FAM135B: variants seen among roughly 807,000 people sequenced by gnomAD.
FAM135B encodes family with sequence similarity 135 member B, also known as protein FAM135B.
In FAM135B, 43 loss-of-function variants were observed where a neutral mutation model predicts 127.7. That is an observed-to-expected ratio of 0.34 (90% confidence interval 0.26 to 0.43). The LOEUF (loss-of-function observed/expected upper bound fraction) is 0.43, where lower values mean the gene tolerates loss of function less well. FAM135B is among the 20% of genes least tolerant of loss of function. The pLI is 1.00. For missense variants in FAM135B, 1,558 were observed against 1,725.6 expected (o/e 0.90, Z 1.72); for synonymous variants, 670 against 665.1 (o/e 1.01, Z -0.11).
At chr8:138,245,887 G>A (rs1046268410) in intron 6 of FAM135B, among the ~76,000 whole-genome samples, 34 of 150,234 alleles carry the variant, frequency 2.3e-4, no homozygotes, top group African/African-American at 8.1e-4. Flanking sequence ...TTCTAGAGAC[G>A]TGTTGAATGG....
chr8:138,487,152 A>G (rs1564038220), intron 1 of FAM135B, among the ~76,000 whole-genome samples: 1 of 152,088 alleles, frequency 6.6e-6, no homozygotes, highest in Non-Finnish European at 1.5e-5. Context: ...TGCGATTTTC[A>G]TTTACATGAC....
chr8:138,382,662 A>G (rs1831932368), intron 1 of FAM135B, among the ~76,000 whole-genome samples: 1 of 152,214 alleles, frequency 6.6e-6, no homozygotes, highest in Admixed American at 6.5e-5. Context: ...GAATTTATAC[A>G]TAAAGTGCAT....
intron 4 of FAM135B, 95 bp downstream of exon 4, chr8:138,265,608 C>A: frequency 1.4e-6 from 2 of 1,408,590 alleles, no homozygotes; most frequent in South Asian, 1.3e-5. Context: ...CAAAGTAAAC[C>A]CATACCTTCT....
intron 2 of FAM135B, among the ~76,000 whole-genome samples, chr8:138,333,681 C>G (rs1261292574): frequency 6.6e-6 from 1 of 152,148 alleles, no homozygotes; most frequent in African/African-American, 2.4e-5. Flanking sequence ...AGCACAGTGC[C>G]TAACATCCAG....
chr8:138,473,332 C>T (rs970580367), intron 1 of FAM135B, among the ~76,000 whole-genome samples: 2 of 152,072 alleles, frequency 1.3e-5, no homozygotes, highest in Admixed American at 6.6e-5. Flanking sequence ...CTTAAAAATC[C>T]TTCAAGAGTC....
chr8:138,280,864 G>C (rs1044473835), intron 3 of FAM135B, among the ~76,000 whole-genome samples: 2 of 152,062 alleles, frequency 1.3e-5, no homozygotes, highest in African/African-American at 4.8e-5. Flanking sequence ...AGGGGAGAGG[G>C]TGCATCATCG....
chr8:138,200,706 C>T (rs548998532), intron 7 of FAM135B, among the ~76,000 whole-genome samples: 20 of 152,208 alleles, frequency 1.3e-4, no homozygotes, highest in South Asian at 8.3e-4. Context: ...TATGTATACA[C>T]GCTTGCTATA....
At chr8:138,415,587 T>G (rs575270718) in intron 1 of FAM135B, among the ~76,000 whole-genome samples, 2 of 152,196 alleles carry the variant, frequency 1.3e-5, no homozygotes, top group Non-Finnish European at 2.9e-5. Context: ...TCAGGTCTCC[T>G]GAATTTATGT....
At chr8:138,361,924 C>T (rs1178439813) in intron 2 of FAM135B, among the ~76,000 whole-genome samples, 4 of 152,174 alleles carry the variant, frequency 2.6e-5, no homozygotes, top group African/African-American at 9.6e-5. Context: ...GTCTCAGTGA[C>T]AAGCATCTAC....
At position 138,151,343 on chromosome 8, in the gene FAM135B, G is replaced by T. The variant is rs778601771; in HGVS notation, c.3132C>A (p.Phe1044Leu). 1 of 1,614,054 alleles carries T rather than the reference G, an allele frequency of 6.2e-7. No homozygotes were observed. Among genetic ancestry groups the T allele is most frequent in the Non-Finnish European group, 8.5e-7 (1 of 1,179,990 alleles). The change falls in exon 13 of 20, where the codon TTC (phenylalanine) becomes TTA (leucine). Residue 1044 changes from phenylalanine (F) to leucine (L), a missense_variant. This residue lies in a region of FAM135B where 923 missense variants were observed against 865.3 expected (regional missense o/e 1.07). Coordinates refer to ENST00000395297, the MANE Select transcript of FAM135B (RefSeq NM_015912.4). ...CAGGGGTCTCCTTGGGCACAGATGA[G>T]AAAGGGAGACAGGTGGCAGTGCAAG... ...SVSCTATCLP[F>L]SSVPKETPAR...
chr8:138,318,018 CT>C (rs764860114), intron 2 of FAM135B, among the ~76,000 whole-genome samples: 3 of 152,192 alleles, frequency 2.0e-5, no homozygotes, highest in Non-Finnish European at 4.4e-5. Context: ...AATAAAACAT[CT>C]TTAAAATGCT....
intron 3 of FAM135B, among the ~76,000 whole-genome samples, chr8:138,266,905 G>A (rs764689661): frequency 3.3e-5 from 5 of 151,094 alleles, no homozygotes; most frequent in Non-Finnish European, 7.4e-5. Flanking sequence ...TTTATAATAG[G>A]GAACAACTAT....
At chr8:138,271,906 G>A (rs866856841) in intron 3 of FAM135B, among the ~76,000 whole-genome samples, 1 of 151,870 alleles carries the variant, frequency 6.6e-6, no homozygotes, top group African/African-American at 2.4e-5. Context: ...TTGGGTATAT[G>A]AGTTTTCATT....
chr8:138,202,935 C>A (rs1418264979), intron 7 of FAM135B, among the ~76,000 whole-genome samples: 1 of 152,118 alleles, frequency 6.6e-6, no homozygotes, highest in Admixed American at 6.5e-5. Flanking sequence ...GTACCTCACT[C>A]ACGGATGGCT....
At chr8:138,469,151 A>T (rs898452695) in intron 1 of FAM135B, among the ~76,000 whole-genome samples, 1 of 152,064 alleles carries the variant, frequency 6.6e-6, no homozygotes, top group Admixed American at 6.6e-5. Context: ...TCCCTTTGAA[A>T]GTAATGGAAA....
intron 7 of FAM135B, among the ~76,000 whole-genome samples, chr8:138,203,115 T>G (rs1283775984): frequency 6.6e-6 from 1 of 152,232 alleles, no homozygotes; most frequent in South Asian, 2.1e-4. Flanking sequence ...CTTTATTTCC[T>G]AACAGAGTAT....
At chr8:138,456,342 C>A (rs1056421557) in intron 1 of FAM135B, among the ~76,000 whole-genome samples, 1 of 152,202 alleles carries the variant, frequency 6.6e-6, no homozygotes, top group Non-Finnish European at 1.5e-5. Context: ...TAATCCTAAT[C>A]CTTTGTATCT....
chr8:138,322,725 T>G (rs904971262), intron 2 of FAM135B, among the ~76,000 whole-genome samples: 3 of 152,194 alleles, frequency 2.0e-5, no homozygotes, highest in African/African-American at 7.2e-5. Context: ...GAACTGCCAT[T>G]TGCCTAGACC....
chr8:138,393,269 G>C (rs975279800), intron 1 of FAM135B, among the ~76,000 whole-genome samples: 1 of 152,072 alleles, frequency 6.6e-6, no homozygotes, highest in African/African-American at 2.4e-5. Flanking sequence ...AACCACATCA[G>C]GTGTTTCTTC....
Sources: gnomAD v4.1 joint callset for allele counts (sites outside exome capture counted in the v4.1 genomes callset) on GRCh38, gnomAD v4.1.1 for gene constraint, gnomAD v4.1.1 regional missense constraint, MANE v1.5 for transcripts, NCBI Gene and HGNC (gene_info 2026-07-23, HGNC 2026-07-21) for gene names.